The following CACNA1C variants were observed in gnomAD, a reference collection of about 807,000 sequenced individuals.
CACNA1C encodes the protein voltage-dependent L-type calcium channel subunit alpha-1C.
A neutral mutation model predicts 229.0 loss-of-function variants in CACNA1C; 30 were observed. The observed-to-expected ratio is 0.13, with a 90% CI of 0.10 to 0.18. CACNA1C has a LOEUF of 0.18. Among genes scored for constraint, CACNA1C ranks in the 10% least tolerant of loss-of-function variants. The pLI, the probability that CACNA1C is intolerant of heterozygous loss-of-function variation, is 1.00. For synonymous variants in CACNA1C, 1,114 were observed against 1,132.5 expected (o/e 0.98, Z 0.33); for missense variants, 1,658 against 2,845.0 (o/e 0.58, Z 9.49).
intron 3 of CACNA1C, among the ~76,000 whole-genome samples, chr12:2,182,459 G>A (rs1252327970): frequency 6.6e-6 from 1 of 151,852 alleles, no homozygotes; most frequent in Non-Finnish European, 1.5e-5. Context: ...ACTCACATTT[G>A]TAGCCATTTC....
intron 3 of CACNA1C, among the ~76,000 whole-genome samples, chr12:2,241,878 A>G (rs1236281563): frequency 1.3e-5 from 2 of 152,178 alleles, no homozygotes; most frequent in Admixed American, 1.3e-4. Context: ...TTTTGAATGA[A>G]TGAGTTCGCA....
intron 3 of CACNA1C, among the ~76,000 whole-genome samples, chr12:2,127,087 C>T (rs2154161840): frequency 6.6e-6 from 1 of 152,228 alleles, no homozygotes; most frequent in Admixed American, 6.5e-5. Context: ...AAGAAGAGCC[C>T]CAGAGGGAGA....
intron 1 of CACNA1C, among the ~76,000 whole-genome samples, chr12:2,109,565 C>T (rs2238028): frequency 0.035 from 5,270 of 152,192 alleles, 263 homozygotes; most frequent in East Asian, 0.11. Context: ...GGGCCAGGGC[C>T]AGTCTGTGCA....
chr12:2,227,615 A>G (rs1192670109), intron 3 of CACNA1C, among the ~76,000 whole-genome samples: 2 of 152,200 alleles, frequency 1.3e-5, no homozygotes, highest in Non-Finnish European at 2.9e-5. Context: ...ATGACTTGCT[A>G]AGAACTAGGC....
chr12:2,048,210 A>C (rs1247866033), upstream of CACNA1C: 2 of 152,250 alleles, frequency 1.3e-5, no homozygotes, highest in Non-Finnish European at 2.9e-5. Flanking sequence ...ATTCTGGGAA[A>C]TAGGTTCCAG....
At chr12:2,310,814 G>T (rs1393106533) in intron 3 of CACNA1C, among the ~76,000 whole-genome samples, 1 of 152,198 alleles carries the variant, frequency 6.6e-6, no homozygotes, top group African/African-American at 2.4e-5. Flanking sequence ...AGAACCAATG[G>T]TTGCCGCAAG....
At chr12:2,125,344 A>G (rs771914530) in intron 3 of CACNA1C, among the ~76,000 whole-genome samples, 17 of 152,164 alleles carry the variant, frequency 1.1e-4, no homozygotes, top group Non-Finnish European at 2.2e-4. Context: ...CTGTACCCCT[A>G]TGGAGGCCCT....
At chr12:2,401,820 A>G (rs1420782772) in intron 3 of CACNA1C, among the ~76,000 whole-genome samples, 1 of 152,240 alleles carries the variant, frequency 6.6e-6, no homozygotes, top group African/African-American at 2.4e-5. Context: ...AATGCAACCT[A>G]GACATGCATA....
chr12:2,037,159 T>A (rs1375836649), intron 1 of CACNA1C, among the ~76,000 whole-genome samples: 1 of 152,216 alleles, frequency 6.6e-6, no homozygotes, highest in Non-Finnish European at 1.5e-5. Flanking sequence ...TCCTGCCTCA[T>A]CTATACATAG....
At chr12:2,232,227 G>GTTTGTTT (rs2065450533) in intron 3 of CACNA1C, among the ~76,000 whole-genome samples, 1 of 73,572 alleles carries the variant, frequency 1.4e-5, no homozygotes, top group Non-Finnish European at 2.6e-5. Context: ...GTCTTTCCTT[G>GTTTGTTT]TTTTTTTTTT....
intron 9 of CACNA1C, among the ~76,000 whole-genome samples, chr12:2,545,834 C>A (rs917566184): frequency 1.3e-5 from 2 of 152,236 alleles, no homozygotes; most frequent in African/African-American, 4.8e-5. Flanking sequence ...CAGCTCATGC[C>A]AGTTCTTTCA....
At chr12:2,355,047 A>C (rs1012368883) in intron 3 of CACNA1C, among the ~76,000 whole-genome samples, 1 of 152,000 alleles carries the variant, frequency 6.6e-6, no homozygotes, top group Non-Finnish European at 1.5e-5. Flanking sequence ...GTAAGGTTGG[A>C]TATTAAACCT....
intron 1 of CACNA1C, among the ~76,000 whole-genome samples, chr12:2,038,317 T>C (rs558057130): frequency 6.6e-6 from 1 of 152,312 alleles, no homozygotes; most frequent in African/African-American, 2.4e-5. Context: ...CTGACAGAGA[T>C]TGCAGATATC....
chr12:2,339,770 T>A (rs998937725), intron 3 of CACNA1C, among the ~76,000 whole-genome samples: 2 of 152,210 alleles, frequency 1.3e-5, no homozygotes, highest in African/African-American at 4.8e-5. Flanking sequence ...CCATTGTGTA[T>A]GTGGCCTGTT....
chr12:2,206,605 A>G (rs1054707844), intron 3 of CACNA1C, among the ~76,000 whole-genome samples: 10 of 152,238 alleles, frequency 6.6e-5, no homozygotes, highest in African/African-American at 2.4e-4. Context: ...CTACCTACTC[A>G]CTGTCCAATG....
intron 5 of CACNA1C, among the ~76,000 whole-genome samples, chr12:2,474,769 A>G (rs1476083406): frequency 1.7e-4 from 26 of 151,608 alleles, no homozygotes; most frequent in African/African-American, 5.1e-4. Flanking sequence ...AAAAAAAAAA[A>G]AAAGAAAGAA....
intron 8 of CACNA1C, among the ~76,000 whole-genome samples, chr12:2,510,518 T>C (rs978510050): frequency 1.3e-5 from 2 of 152,158 alleles, no homozygotes; most frequent in African/African-American, 4.8e-5. Flanking sequence ...CCTGTAATGT[T>C]TATTTTAGAT....
intron 29 of CACNA1C, among the ~76,000 whole-genome samples, chr12:2,618,765 G>C (rs1388811768): frequency 1.3e-5 from 2 of 152,236 alleles, no homozygotes; most frequent in Non-Finnish European, 2.9e-5. Context: ...GAGAAGGAAG[G>C]GGAAGTGGGA....
chr12:2,002,013 G>A (rs1462871910), intron 1 of CACNA1C, among the ~76,000 whole-genome samples: 2 of 152,188 alleles, frequency 1.3e-5, no homozygotes, highest in African/African-American at 4.8e-5. Context: ...GGAGGCGGGG[G>A]GCAGTCTTTC....
Sources: allele counts gnomAD v4.1 joint callset (sites outside exome capture counted in the v4.1 genomes callset), GRCh38; gene constraint gnomAD v4.1.1; transcripts MANE v1.5; gene names NCBI Gene and HGNC (gene_info 2026-07-23, HGNC 2026-07-21).